CFAP299: variants seen among roughly 807,000 people sequenced by gnomAD.
The protein encoded by CFAP299 is cilia- and flagella-associated protein 299.
Under a neutral mutation model 27.0 loss-of-function variants are expected in CFAP299, and 21 were observed. That is an observed-to-expected ratio of 0.78 (90% confidence interval 0.55 to 1.12). The LOEUF is 1.12. CFAP299 is among the 50% of genes most tolerant of loss of function. The pLI is 0.00. For synonymous variants in CFAP299, 104 were observed against 98.1 expected, an observed-to-expected ratio of 1.06 and a Z score of -0.36; for missense variants, 310 against 276.6, an observed-to-expected ratio of 1.12 and a Z score of -0.86.
At chr4:80,591,110 T>TTA (rs1736734159) in intron 3 of CFAP299, among the ~76,000 whole-genome samples, 2 of 128,310 alleles carry the variant, frequency 1.6e-5, no homozygotes, top group South Asian at 3.3e-4. Context: ...AGGAAATTTT[T>TTA]TTTTTTTTTT....
rs1462053761 is a variant in CFAP299 at position 80,687,758 on chromosome 4, G to T, written c.333+104575G>T. Among the ~76,000 whole-genome samples, 4 of 152,272 alleles carry T rather than the reference G, an allele frequency of 2.6e-5. No individual in the cohort carries two copies. The East Asian group carries it at 7.8e-4, about 30-fold the overall frequency. On this transcript the variant is annotated intron_variant, in intron 3 of 5. Transcript: ENST00000358105. ...GCGACGCAGAAGACAGGTGATTTCT[G>T]CATTTCCATCTGAGGTACCGGGTTC... is the stretch of plus-strand genomic sequence containing the variant.
At chr4:80,386,854 G>T in intron 2 of CFAP299, 1 of 879,634 alleles carries the variant, frequency 1.1e-6, no homozygotes, top group Non-Finnish European at 1.9e-6. Context: ...CTCTCTTACA[G>T]TTTGTCCTTG....
At chr4:80,439,027 A>C (rs7654257) in intron 2 of CFAP299, among the ~76,000 whole-genome samples, 1 of 151,924 alleles carries the variant, frequency 6.6e-6, no homozygotes, top group Non-Finnish European at 1.5e-5. Context: ...TTTGTGATTT[A>C]CTAGTATATA....
intron 2 of CFAP299, chr4:80,386,320 C>T: frequency 7.5e-7 from 1 of 1,339,928 alleles, no homozygotes; most frequent in Non-Finnish European, 1.0e-6. Context: ...GTGCCCACCG[C>T]ACCACCCACG....
intron 2 of CFAP299, among the ~76,000 whole-genome samples, chr4:80,488,031 G>C (rs941876750): frequency 6.6e-5 from 10 of 152,236 alleles, no homozygotes; most frequent in Admixed American, 1.3e-4. Context: ...AAATAGGCTT[G>C]ATACCAAAAG....
At chr4:80,535,587 T>C (rs1458770195) in intron 2 of CFAP299, among the ~76,000 whole-genome samples, 1 of 151,510 alleles carries the variant, frequency 6.6e-6, no homozygotes, top group Non-Finnish European at 1.5e-5. Context: ...AACAGCTGAT[T>C]GGTGAACGTT....
intron 3 of CFAP299, among the ~76,000 whole-genome samples, chr4:80,669,578 T>C (rs575844952): frequency 6.6e-6 from 1 of 152,050 alleles, no homozygotes; most frequent in Non-Finnish European, 1.5e-5. Context: ...GTTTTTCTTT[T>C]TTTTTTTTTT....
At chr4:80,656,100 T>G (rs961015672) in intron 3 of CFAP299, among the ~76,000 whole-genome samples, 2 of 152,176 alleles carry the variant, frequency 1.3e-5, no homozygotes, top group African/African-American at 4.8e-5. Flanking sequence ...CTTTATATTC[T>G]TGGCTATTCC....
chr4:80,872,671 G>A (rs13119650), intron 4 of CFAP299: 22,214 of 153,692 alleles, frequency 0.14, 1,967 homozygotes, highest in Middle Eastern at 0.27. Flanking sequence ...ACTGTAGTGA[G>A]TTATAAATGA....
intron 3 of CFAP299, among the ~76,000 whole-genome samples, chr4:80,857,242 G>A (rs1731969176): frequency 6.6e-6 from 1 of 152,128 alleles, no homozygotes; most frequent in African/African-American, 2.4e-5. Flanking sequence ...TGTGATTTTT[G>A]TACATTGATT....
rs146864040 is a variant in CFAP299, at chr4:80,918,128, T to C, written c.477-26682T>C. Among the ~76,000 whole-genome samples, 12 of 152,316 alleles carry C rather than the reference T, an allele frequency of 7.9e-5. No individual in the cohort carries two copies. The East Asian group carries it at 2.3e-3, about 29-fold the overall frequency. ...CCAATCAAGCATGATTTCTTTGATT[T>C]ATTCACCTTAAATGTCAGTATCTTA... is the stretch of plus-strand genomic sequence containing the variant. On this transcript the variant is annotated intron_variant, in intron 4 of 5. Coordinates refer to ENST00000358105, the MANE Select transcript of CFAP299 (RefSeq NM_152770.3).
intron 3 of CFAP299, among the ~76,000 whole-genome samples, chr4:80,738,359 T>C (rs1724039541): frequency 6.6e-6 from 1 of 152,154 alleles, no homozygotes; most frequent in African/African-American, 2.4e-5. Context: ...TTTATTTGGG[T>C]CTGTGTCTCT....
intron 3 of CFAP299, among the ~76,000 whole-genome samples, chr4:80,786,011 TA>T (rs1727225981): frequency 6.6e-6 from 1 of 152,176 alleles, no homozygotes; most frequent in Non-Finnish European, 1.5e-5. Context: ...CTTGCAAGAT[TA>T]TTTTTCTTTT....
chr4:80,476,693 A>T (rs372677777), intron 2 of CFAP299, among the ~76,000 whole-genome samples: 40 of 152,268 alleles, frequency 2.6e-4, no homozygotes, highest in East Asian at 9.7e-4. Context: ...TGTGTCAGTT[A>T]TACAGAAACT....
chr4:80,735,280 A>G (rs1246765224), intron 3 of CFAP299, among the ~76,000 whole-genome samples: 1 of 152,098 alleles, frequency 6.6e-6, no homozygotes, highest in Non-Finnish European at 1.5e-5. Flanking sequence ...CCGGATTTTT[A>G]TGTTGAATTT....
chr4:80,619,766 A>G (rs905936925), intron 3 of CFAP299, among the ~76,000 whole-genome samples: 1 of 152,052 alleles, frequency 6.6e-6, no homozygotes, highest in Non-Finnish European at 1.5e-5. Flanking sequence ...ATATGCTTTC[A>G]CACATATATT....
chr4:80,574,917 T>C (rs1049683413), intron 2 of CFAP299, among the ~76,000 whole-genome samples: 1 of 152,028 alleles, frequency 6.6e-6, no homozygotes, highest in Admixed American at 6.6e-5. Flanking sequence ...GGCCTGTAGT[T>C]TTCTTTTTTT....
intron 3 of CFAP299, among the ~76,000 whole-genome samples, chr4:80,690,282 C>T (rs1199723698): frequency 6.6e-6 from 1 of 150,472 alleles, no homozygotes; most frequent in Non-Finnish European, 1.5e-5. Context: ...AAATTGACCA[C>T]ATACTTGGAA....
intron 3 of CFAP299, among the ~76,000 whole-genome samples, chr4:80,656,503 G>T (rs1740564158): frequency 6.6e-6 from 1 of 152,040 alleles, no homozygotes; most frequent in African/African-American, 2.4e-5. Flanking sequence ...GTGTTAGTTT[G>T]CTAAGAATGA....
Sources: allele counts gnomAD v4.1 joint callset (sites outside exome capture counted in the v4.1 genomes callset), GRCh38; gene constraint gnomAD v4.1.1; transcripts MANE v1.5; gene names NCBI Gene and HGNC (gene_info 2026-07-23, HGNC 2026-07-21).